Variants in NUP133 observed in about 807,000 individuals in gnomAD.
NUP133 encodes the protein nucleoporin 133, also known as nuclear pore complex protein Nup133.
A neutral mutation model predicts 146.2 loss-of-function variants in NUP133; 66 were observed. That is an observed-to-expected ratio of 0.45 (90% CI 0.37 to 0.55). The LOEUF (loss-of-function observed/expected upper bound fraction) is 0.55, where lower values mean the gene tolerates loss of function less well. Among genes scored for constraint, NUP133 ranks in the 20% least tolerant of loss-of-function variants. The probability of loss-of-function intolerance (pLI) is 0.00; values close to 1 mark genes in which losing one functional copy is unlikely to be tolerated. For synonymous variants in NUP133, 521 were observed against 498.8 expected (o/e 1.04, Z -0.59); for missense variants, 1,277 against 1,374.8 (o/e 0.93, Z 1.12).
At chr1:229,479,310 G>T (rs1661151779) in intron 12 of NUP133, among the ~76,000 whole-genome samples, 1 of 152,184 alleles carries the variant, frequency 6.6e-6, no homozygotes, top group Non-Finnish European at 1.5e-5. Context: ...ATCCGCATTT[G>T]GTTGAAAACA....
intron 17 of NUP133, 110 bp from the exon 18 acceptor site, chr1:229,464,985 T>C (rs1660779056): frequency 7.7e-6 from 10 of 1,293,648 alleles, no homozygotes; most frequent in African/African-American, 1.5e-5. Flanking sequence ...GAAAATTACA[T>C]TGAACAGGGA....
At chr1:229,446,793 T>C (rs1660312350) in intron 24 of NUP133, among the ~76,000 whole-genome samples, 1 of 151,700 alleles carries the variant, frequency 6.6e-6, no homozygotes, top group African/African-American at 2.4e-5. Context: ...AAATCATAGC[T>C]TCGAGTCTCG....
At chr1:229,505,572 A>G (rs1391264404) in intron 2 of NUP133, among the ~76,000 whole-genome samples, 1 of 145,012 alleles carries the variant, frequency 6.9e-6, no homozygotes, top group Non-Finnish European at 1.5e-5. Flanking sequence ...GTTAAAAAAA[A>G]AAAAAAAAAA....
At chr1:229,477,919 A>AT (rs1446954518) in intron 12 of NUP133, among the ~76,000 whole-genome samples, 159 bp from the exon 13 acceptor site, 1 of 152,222 alleles carries the variant, frequency 6.6e-6, no homozygotes, top group East Asian at 1.9e-4. Flanking sequence ...GTTAAGTGAA[A>AT]TAAGTCAGGC....
intron 2 of NUP133, among the ~76,000 whole-genome samples, chr1:229,504,606 A>G (rs1661887951): frequency 6.6e-6 from 1 of 152,230 alleles, no homozygotes; most frequent in Admixed American, 6.5e-5. Context: ...TAGGATCCAG[A>G]AATGGAGGTA....
At chr1:229,502,797 T>C (rs952697437) in intron 2 of NUP133, among the ~76,000 whole-genome samples, 32 of 124,940 alleles carry the variant, frequency 2.6e-4, no homozygotes, top group Non-Finnish European at 2.8e-4. Flanking sequence ...CTCTCTCTCT[T>C]AAAAAAAAAA....
chr1:229,455,937 G>C (rs1276450435), intron 21 of NUP133, among the ~76,000 whole-genome samples: 1 of 152,160 alleles, frequency 6.6e-6, no homozygotes, highest in African/African-American at 2.4e-5. Flanking sequence ...GGTGATTCAG[G>C]ATCAAGAATC....
At position 229,463,950 on chromosome 1, in the gene NUP133, C is replaced by T. The variant is rs12067093; in HGVS notation, c.2552-274G>A. Among the ~76,000 whole-genome samples the T allele has an allele frequency of 5.9e-3, 892 of 151,914 alleles. 6 individuals are homozygous for T. Among genetic ancestry groups the T allele is most frequent in the African/African-American group, 0.02 (822 of 41,430 alleles). Reference sequence around the variant, plus strand: ...CACCTGAGGTCAGGAGTTCGAGTCCCGCCAGGCCAATATGGTGAAACCCCA... The same window carrying T: ...CACCTGAGGTCAGGAGTTCGAGTCCTGCCAGGCCAATATGGTGAAACCCCA... On this transcript the variant is annotated intron_variant, in intron 18 of 25. Transcript: ENST00000261396.
intron 13 of NUP133, among the ~76,000 whole-genome samples, chr1:229,477,078 C>T (rs1002137427): frequency 3.9e-5 from 6 of 152,042 alleles, no homozygotes; most frequent in Non-Finnish European, 8.8e-5. Flanking sequence ...AGGATTTGCT[C>T]CAATGTTCCT....
chr1:229,472,701 A>AATATAC (rs1660985544), intron 14 of NUP133, among the ~76,000 whole-genome samples: 3 of 103,148 alleles, frequency 2.9e-5, no homozygotes, highest in African/African-American at 1.1e-4. Flanking sequence ...TAAAAAACTA[A>AATATAC]ATATACATAT....
chr1:229,465,364 A>G, intron 17 of NUP133, 56 bp downstream of exon 17: 1 of 1,368,850 alleles, frequency 7.3e-7, no homozygotes, highest in Non-Finnish European at 1.0e-6. Flanking sequence ...AACTTCTAAA[A>G]ATGATGGGTC....
In NUP133 at chr1:229,498,544, G is replaced by C. The variant is rs140041037; in HGVS notation, c.649-238C>G. Among the ~76,000 whole-genome samples, 109 of 152,228 alleles carry C rather than the reference G, an allele frequency of 7.2e-4. 2 individuals are homozygous for C. In the East Asian group the frequency reaches 0.018, roughly 25 times the overall value. ...TGGCCAGGCATGGTGGCTCACACCT[G>C]TAATCCAGCACTTTGGGAGCCCAAG... On this transcript the variant is annotated intron_variant, in intron 5 of 25. Coordinates refer to ENST00000261396, the MANE Select transcript of NUP133 (RefSeq NM_018230.3).
chr1:229,478,219 G>A (rs910481552), intron 12 of NUP133, among the ~76,000 whole-genome samples: 2 of 151,906 alleles, frequency 1.3e-5, no homozygotes, highest in African/African-American at 4.8e-5. Flanking sequence ...TTGGCTCAAA[G>A]TTACTTTTAA....
chr1:229,484,746 C>T (rs182538747), intron 11 of NUP133, among the ~76,000 whole-genome samples: 15 of 152,094 alleles, frequency 9.9e-5, no homozygotes. Flanking sequence ...TATAAAATTG[C>T]TTCAGAATGT....
Position 229,464,730 on chromosome 1 carries a change from A to G in NUP133, c.2445T>C (p.Gly815=). Residue 815 remains glycine, a synonymous_variant, in exon 18 of 26, where the codon GGT becomes GGC. Transcript: ENST00000261396. ...CCACAGACTTAAGCTGAGAAACATAACCATCCAGGAAGCAATCGATCAGGG... is the reference window on the plus strand; with the variant it reads ...CCACAGACTTAAGCTGAGAAACATAGCCATCCAGGAAGCAATCGATCAGGG... ...LVALIDCFLD[G]YVSQLKSVDK... is the part of the protein sequence containing the mutation. 6.2e-7 allele frequency: 1 copy of G among 1,614,180 alleles called. No individual in the cohort carries two copies. The highest frequency in any genetic ancestry group is 8.5e-7 in the Non-Finnish European group (1 of 1,180,042).
chr1:229,460,385 T>A (rs1285502123), intron 20 of NUP133, among the ~76,000 whole-genome samples: 1 of 151,946 alleles, frequency 6.6e-6, no homozygotes, highest in Non-Finnish European at 1.5e-5. Context: ...TTATGTTTCC[T>A]AGGCTGGTCT....
intron 8 of NUP133, among the ~76,000 whole-genome samples, chr1:229,491,223 TAA>T (rs1382656244): frequency 6.6e-6 from 1 of 152,140 alleles, no homozygotes; most frequent in Non-Finnish European, 1.5e-5. Context: ...GTAGTTGCAG[TAA>T]AGACTACATG....
At chr1:229,459,494 T>C (rs1660645701) in intron 20 of NUP133, among the ~76,000 whole-genome samples, 1 of 152,248 alleles carries the variant, frequency 6.6e-6, no homozygotes, top group Non-Finnish European at 1.5e-5. Flanking sequence ...TATATGTATG[T>C]ATATATGTAT....
At chr1:229,460,586 T>C (rs372197760) in intron 20 of NUP133, 25 bp downstream of exon 20, 1 of 1,606,034 alleles carries the variant, frequency 6.2e-7, no homozygotes, top group African/African-American at 1.3e-5. Context: ...TGCACACATC[T>C]GCTCCATAGA....
Sources: gnomAD v4.1 joint callset for allele counts (sites outside exome capture counted in the v4.1 genomes callset) on GRCh38, gnomAD v4.1.1 for gene constraint, MANE v1.5 for transcripts, NCBI Gene and HGNC (gene_info 2026-07-23, HGNC 2026-07-21) for gene names.